The following EXOC6B variants were observed in gnomAD, a reference collection of about 807,000 sequenced individuals.
EXOC6B encodes the protein exocyst complex component 6B.
Under a neutral mutation model 113.5 loss-of-function variants are expected in EXOC6B, and 54 were observed. The observed-to-expected ratio is 0.48, with a 90% CI of 0.38 to 0.60. EXOC6B has a LOEUF of 0.60. Among genes scored for constraint, EXOC6B ranks in the 20% least tolerant of loss-of-function variants. The pLI is 0.00. For synonymous variants in EXOC6B, 357 were observed against 339.0 expected (o/e 1.05, Z -0.58); for missense variants, 797 against 977.5 (o/e 0.82, Z 2.46).
At chr2:72,199,571 T>C (rs796244193) in intron 20 of EXOC6B, among the ~76,000 whole-genome samples, 3 of 152,284 alleles carry the variant, frequency 2.0e-5, no homozygotes, top group African/African-American at 7.2e-5. Context: ...TTAAATTACC[T>C]AAACCCTAGT....
chr2:72,284,256 G>A (rs543219379), intron 20 of EXOC6B, among the ~76,000 whole-genome samples: 1 of 152,128 alleles, frequency 6.6e-6, no homozygotes, highest in South Asian at 2.1e-4. Context: ...ATCCAACAAT[G>A]TATAAAAGAA....
At chr2:72,409,619 A>G (rs1694029764) in intron 18 of EXOC6B, among the ~76,000 whole-genome samples, 1 of 151,886 alleles carries the variant, frequency 6.6e-6, no homozygotes, top group Admixed American at 6.6e-5. Flanking sequence ...TAGCAAGGAC[A>G]AAAAACCAAA....
chr2:72,465,462 C>A, intron 17 of EXOC6B, 123 bp from the exon 18 acceptor site: 1 of 695,346 alleles, frequency 1.4e-6, no homozygotes, highest in Non-Finnish European at 2.3e-6. Flanking sequence ...AATACTGAGC[C>A]ATACATATCA....
chr2:72,368,784 T>G (rs1426903108), intron 19 of EXOC6B, among the ~76,000 whole-genome samples: 1 of 152,196 alleles, frequency 6.6e-6, no homozygotes, highest in Non-Finnish European at 1.5e-5. Context: ...TCTCAATAGA[T>G]GCAGAAAAGG....
At chr2:72,366,794 GA>G (rs981976975) in intron 19 of EXOC6B, among the ~76,000 whole-genome samples, 37 of 130,246 alleles carry the variant, frequency 2.8e-4, no homozygotes, top group East Asian at 6.7e-4. Flanking sequence ...AGTGTTGAAA[GA>G]AAAAAAAAAC....
chr2:72,819,856 T>C (rs1003107957), intron 1 of EXOC6B, among the ~76,000 whole-genome samples: 1 of 152,228 alleles, frequency 6.6e-6, no homozygotes, highest in African/African-American at 2.4e-5. Context: ...GGATGCTTTA[T>C]CTTCATTTTT....
chr2:72,655,439 G>GA (rs1326262915), intron 6 of EXOC6B, among the ~76,000 whole-genome samples: 7 of 151,608 alleles, frequency 4.6e-5, no homozygotes, highest in African/African-American at 1.2e-4. Flanking sequence ...ATTCTGAAGA[G>GA]AAAAAAACAT....
intron 18 of EXOC6B, among the ~76,000 whole-genome samples, chr2:72,449,179 G>T (rs1696763477): frequency 6.6e-6 from 1 of 152,056 alleles, no homozygotes; most frequent in South Asian, 2.1e-4. Flanking sequence ...TTGTCCTACA[G>T]CATTGTCAAT....
intron 6 of EXOC6B, among the ~76,000 whole-genome samples, chr2:72,588,071 C>T (rs1247501716): frequency 6.6e-6 from 1 of 152,098 alleles, no homozygotes; most frequent in Non-Finnish European, 1.5e-5. Flanking sequence ...AAACCTTGTG[C>T]ATTGTTGGTG....
intron 1 of EXOC6B, among the ~76,000 whole-genome samples, chr2:72,751,078 G>T (rs973052196): frequency 1.3e-5 from 2 of 151,998 alleles, no homozygotes; most frequent in African/African-American, 4.8e-5. Context: ...TATCAAAAAT[G>T]AATATATGAA....
chr2:72,716,836 C>A (rs1000477362), intron 6 of EXOC6B, among the ~76,000 whole-genome samples: 1 of 152,028 alleles, frequency 6.6e-6, no homozygotes, highest in Non-Finnish European at 1.5e-5. Flanking sequence ...AAATTAATTT[C>A]TCAAGCAGAG....
chr2:72,434,851 A>C (rs1435936059), intron 18 of EXOC6B, among the ~76,000 whole-genome samples: 2 of 152,208 alleles, frequency 1.3e-5, no homozygotes, highest in Admixed American at 1.3e-4. Context: ...CTTTTCAAAA[A>C]ACCAGCTCTT....
At chr2:72,677,552 T>C (rs1195933438) in intron 6 of EXOC6B, among the ~76,000 whole-genome samples, 1 of 152,186 alleles carries the variant, frequency 6.6e-6, no homozygotes, top group Non-Finnish European at 1.5e-5. Flanking sequence ...CTGTTTCATC[T>C]GGATCCTGTC....
chr2:72,344,961 G>T (rs1689244255), intron 19 of EXOC6B, among the ~76,000 whole-genome samples: 1 of 151,940 alleles, frequency 6.6e-6, no homozygotes, highest in South Asian at 2.1e-4. Context: ...ATTAGAAGCA[G>T]CATTCAACAA....
At chr2:72,495,137 A>C (rs1341038158) in intron 15 of EXOC6B, among the ~76,000 whole-genome samples, 2 of 152,092 alleles carry the variant, frequency 1.3e-5, no homozygotes, top group Non-Finnish European at 2.9e-5. Flanking sequence ...GGATTACAAA[A>C]ATGAGCCACT....
chr2:72,657,168 A>G (rs1674640497), intron 6 of EXOC6B, among the ~76,000 whole-genome samples: 1 of 151,062 alleles, frequency 6.6e-6, no homozygotes, highest in South Asian at 2.1e-4. Flanking sequence ...CTTATTTTTT[A>G]AGACTAGATC....
chr2:72,502,879 GTC>G lies in EXOC6B; in HGVS notation c.1168-2909_1168-2908del. ...TCTTAACTTTCCTTTCCTATTTTCT[GTC>G]TCTGTGTCTTTGCTCTCTGTATTTT... On this transcript the variant is annotated intron_variant, in intron 11 of 21. Transcript: ENST00000272427. 2.0e-5 allele frequency among the ~76,000 whole-genome samples: 3 copies of G among 151,960 alleles called. No homozygotes were observed. In the South Asian group the frequency reaches 6.2e-4, roughly 32 times the overall value.
At chr2:72,695,187 T>C (rs1019328744) in intron 6 of EXOC6B, among the ~76,000 whole-genome samples, 7 of 152,196 alleles carry the variant, frequency 4.6e-5, no homozygotes, top group Non-Finnish European at 7.3e-5. Context: ...GAATTCTCTT[T>C]AGTCACCAAG....
chr2:72,373,974 T>C (rs1691196889), intron 19 of EXOC6B, among the ~76,000 whole-genome samples: 1 of 151,968 alleles, frequency 6.6e-6, no homozygotes, highest in Non-Finnish European at 1.5e-5. Context: ...ATACAAAAAT[T>C]AGCCAGGCAT....
Sources: gnomAD v4.1 joint callset for allele counts (sites outside exome capture counted in the v4.1 genomes callset) on GRCh38, gnomAD v4.1.1 for gene constraint, MANE v1.5 for transcripts, NCBI Gene and HGNC (gene_info 2026-07-23, HGNC 2026-07-21) for gene names.